The following ADK variants were observed in gnomAD, a reference collection of about 807,000 sequenced individuals.
ADK encodes N6,N6-dimethyladenosine kinase.
Under a neutral mutation model 44.7 loss-of-function variants are expected in ADK, and 24 were observed. The ratio of observed to expected loss-of-function variants is 0.54; its 90% confidence interval spans 0.39 to 0.76. The LOEUF (loss-of-function observed/expected upper bound fraction) is 0.76, where lower values mean the gene tolerates loss of function less well. Ranked by LOEUF, ADK falls within the 30% of genes least tolerant of loss-of-function variation. ADK has a pLI of 0.00. For synonymous variants in ADK, 128 were observed against 142.6 expected, an observed-to-expected ratio of 0.90 and a Z score of 0.73; for missense variants, 321 against 425.1, an observed-to-expected ratio of 0.76 and a Z score of 2.15.
rs138450291 is a variant in ADK, at chr10:74,335,938, G to A, written c.273+21193G>A. The stretch of plus-strand genomic sequence containing the variant: ...GTTCTGCAGACAAGACTTATCAGAT[G>A]TGTGATTTGCAAATATTTTCTCCTA... On this transcript the variant is annotated intron_variant, in intron 4 of 10. Transcript: ENST00000539909. Among the ~76,000 whole-genome samples the A allele has an allele frequency of 3.4e-3, 525 of 152,196 alleles. 1 individual carries two copies. The highest frequency in any genetic ancestry group is 0.012 in the African/African-American group (486 of 41,538).
intron 6 of ADK, among the ~76,000 whole-genome samples, chr10:74,417,253 A>C (rs193035905): frequency 7.0e-4 from 107 of 152,306 alleles, no homozygotes; most frequent in Non-Finnish European, 1.4e-3. Context: ...AATCATTCAA[A>C]TATCTTTAAT....
At chr10:74,175,669 T>C (rs776823163) in intron 1 of ADK, among the ~76,000 whole-genome samples, 2 of 152,074 alleles carry the variant, frequency 1.3e-5, no homozygotes, top group South Asian at 2.1e-4. Context: ...TTCACACCTA[T>C]ATTCCCAGTG....
At chr10:74,206,616 A>G (rs1391830527) in intron 2 of ADK, among the ~76,000 whole-genome samples, 1 of 152,242 alleles carries the variant, frequency 6.6e-6, no homozygotes, top group African/African-American at 2.4e-5. Flanking sequence ...TTATATGATT[A>G]GCTTTCACAC....
chr10:74,535,245 G>A (rs557298454), intron 7 of ADK, among the ~76,000 whole-genome samples: 1 of 152,250 alleles, frequency 6.6e-6, no homozygotes, highest in South Asian at 2.1e-4. Flanking sequence ...AGGATTGCTT[G>A]AGCAGAGGTG....
chr10:74,503,226 T>A (rs1187127297), intron 6 of ADK, among the ~76,000 whole-genome samples: 2 of 152,158 alleles, frequency 1.3e-5, no homozygotes, highest in East Asian at 3.9e-4. Flanking sequence ...CTTGCTTTAG[T>A]TGACCAAGTA....
intron 10 of ADK, among the ~76,000 whole-genome samples, chr10:74,696,377 T>A (rs1002154190): frequency 2.0e-5 from 3 of 149,796 alleles, no homozygotes; most frequent in Non-Finnish European, 3.0e-5. Context: ...TTTGTTTTTG[T>A]TTTTTTTTGA....
At chr10:74,628,812 A>G (rs1853311413) in intron 9 of ADK, among the ~76,000 whole-genome samples, 1 of 152,164 alleles carries the variant, frequency 6.6e-6, no homozygotes, top group Non-Finnish European at 1.5e-5. Context: ...ACTGGCAAGC[A>G]CTAAAATGCC....
At chr10:74,623,469 A>T (rs1853071913) in intron 9 of ADK, among the ~76,000 whole-genome samples, 1 of 152,088 alleles carries the variant, frequency 6.6e-6, no homozygotes, top group South Asian at 2.1e-4. Flanking sequence ...ATGTCCATAT[A>T]TGATCTAGTC....
At chr10:74,406,841 C>T (rs539750783) in intron 6 of ADK, among the ~76,000 whole-genome samples, 20 of 151,846 alleles carry the variant, frequency 1.3e-4, no homozygotes, top group African/African-American at 4.6e-4. Flanking sequence ...TCACCACACC[C>T]GGCTAATTTT....
intron 2 of ADK, among the ~76,000 whole-genome samples, chr10:74,213,557 T>C (rs1843905365): frequency 6.6e-6 from 1 of 151,002 alleles, no homozygotes; most frequent in African/African-American, 2.4e-5. Context: ...GTAAAAGGAG[T>C]GGGCTGGAAG....
intron 5 of ADK, 82 bp from the exon 6 acceptor site, chr10:74,398,389 G>T: frequency 2.4e-6 from 2 of 836,118 alleles, no homozygotes; most frequent in Non-Finnish European, 3.7e-6. Context: ...TTTAAACTTT[G>T]CAAAAAATAT....
chr10:74,523,362 A>G (rs771185338), intron 6 of ADK, among the ~76,000 whole-genome samples: 6 of 152,192 alleles, frequency 3.9e-5, no homozygotes, highest in Admixed American at 6.5e-5. Context: ...AAATCTTATG[A>G]CTTTTACTCA....
intron 2 of ADK, among the ~76,000 whole-genome samples, chr10:74,213,162 C>T (rs1843884525): frequency 6.6e-6 from 1 of 152,106 alleles, no homozygotes; most frequent in Admixed American, 6.6e-5. Context: ...GTCTGGAGTG[C>T]AGTGAGTGGT....
intron 3 of ADK, among the ~76,000 whole-genome samples, chr10:74,278,537 A>G (rs1261951981): frequency 6.6e-6 from 1 of 152,164 alleles, no homozygotes; most frequent in Non-Finnish European, 1.5e-5. Context: ...TAATTTTGTT[A>G]TGATCCTTTC....
chr10:74,368,102 A>G (rs1443815523), intron 4 of ADK, among the ~76,000 whole-genome samples: 1 of 152,194 alleles, frequency 6.6e-6, no homozygotes, highest in African/African-American at 2.4e-5. Context: ...AGAGGTTTTC[A>G]GGAAACTAAC....
chr10:74,606,813 T>A (rs1364990630), intron 9 of ADK, among the ~76,000 whole-genome samples: 1 of 152,212 alleles, frequency 6.6e-6, no homozygotes, highest in Non-Finnish European at 1.5e-5. Flanking sequence ...CTCGTTGATC[T>A]AATATTGACA....
intron 2 of ADK, among the ~76,000 whole-genome samples, chr10:74,214,136 G>T (rs1843931014): frequency 6.6e-6 from 1 of 152,050 alleles, no homozygotes; most frequent in African/African-American, 2.4e-5. Flanking sequence ...CATAAACCTT[G>T]TAACTTTTTG....
At chr10:74,655,621 G>A (rs578254247) in intron 9 of ADK, 15 of 444,398 alleles carry the variant, frequency 3.4e-5, no homozygotes, top group South Asian at 2.6e-4. Flanking sequence ...AAGATGAGGA[G>A]GAGGCCAAGA....
In ADK at chr10:74,226,305, C is replaced by T. The variant is rs930173501; in HGVS notation, c.194+1714C>T. Reference sequence around the variant, plus strand: ...ATATTTTAGTAGAGATGGGGTTTCGCCATGTTGGCCAGGCTGGTCTTGAAT... The same window carrying T: ...ATATTTTAGTAGAGATGGGGTTTCGTCATGTTGGCCAGGCTGGTCTTGAAT... On this transcript the variant is annotated intron_variant, in intron 3 of 10. Transcript: ENST00000539909. 2.6e-5 allele frequency among the ~76,000 whole-genome samples: 4 copies of T among 152,212 alleles called. No homozygotes were observed. In the South Asian group the frequency reaches 8.3e-4, roughly 32 times the overall value.
Sources: allele counts gnomAD v4.1 joint callset (sites outside exome capture counted in the v4.1 genomes callset), GRCh38; gene constraint gnomAD v4.1.1; transcripts MANE v1.5; gene names NCBI Gene and HGNC (gene_info 2026-07-23, HGNC 2026-07-21).